Variants in TGFBR2 observed in about 807,000 individuals in gnomAD.
The protein encoded by TGFBR2 is TGF-beta receptor type-2.
TGFBR2 carries 18 observed loss-of-function variants against 49.0 expected under a neutral mutation model. The ratio of observed to expected loss-of-function variants is 0.37; its 90% CI spans 0.25 to 0.54. TGFBR2 has a LOEUF of 0.54. Among genes scored for constraint, TGFBR2 ranks in the 20% least tolerant of loss-of-function variants. The pLI is 0.85. For missense variants in TGFBR2, 525 were observed against 722.6 expected, an observed-to-expected ratio of 0.73 and a Z score of 3.13; for synonymous variants, 282 against 275.9, an observed-to-expected ratio of 1.02 and a Z score of -0.22.
rs1387250073 is a variant in TGFBR2 at position 30,671,707 on chromosome 3, C to G, written c.524C>G (p.Pro175Arg). The change falls in exon 4 of 7, where the codon CCA becomes CGA. Residue 175 changes from proline to arginine, a missense_variant. Pro to Arg is a moderately radical substitution (Grantham distance 103). This residue lies in a region of TGFBR2 where 376 missense variants were observed against 478.2 expected (regional missense o/e 0.79). Coordinates refer to ENST00000295754, the MANE Select transcript of TGFBR2 (RefSeq NM_003242.6). ...GTGACAGGCATCAGCCTCCTGCCAC[C>G]ACTGGGAGTTGCCATATCTGTCATC... ...FQVTGISLLP[P>R]LGVAISVIII... 1 of 1,614,070 alleles carries G rather than the reference C, an allele frequency of 6.2e-7. No individual in the cohort carries two copies. Among genetic ancestry groups the G allele is most frequent in the Admixed American group, 1.7e-5 (1 of 60,008 alleles).
chr3:30,647,104 C>T (rs1271128960), intron 2 of TGFBR2, among the ~76,000 whole-genome samples: 1 of 152,190 alleles, frequency 6.6e-6, no homozygotes, highest in African/African-American at 2.4e-5. Context: ...GACCAAGGCA[C>T]TCATTCCCTG....
intron 1 of TGFBR2, among the ~76,000 whole-genome samples, chr3:30,641,029 C>A (rs958309734): frequency 6.6e-6 from 1 of 152,114 alleles, no homozygotes; most frequent in African/African-American, 2.4e-5. Flanking sequence ...GATGCAATGT[C>A]CCATACAGCA....
rs1384766459 is a variant in TGFBR2 at position 30,691,352 on chromosome 3, G to C, written c.1525-68G>C. ...TGCACTCACTATAGCAACAAGGTCA[G>C]CAGGCCACCTTGCCTTCCGCGGAGC... On this transcript the variant is annotated intron_variant, in intron 6 of 6. Coordinates refer to ENST00000295754, the MANE Select transcript of TGFBR2 (RefSeq NM_003242.6). 6.4e-6 allele frequency: 10 copies of C among 1,567,686 alleles called. No homozygotes were observed. The South Asian group carries it at 9.1e-5, about 14-fold the overall frequency.
chr3:30,684,672 C>T (rs967686797), intron 5 of TGFBR2, among the ~76,000 whole-genome samples: 13 of 152,030 alleles, frequency 8.6e-5, no homozygotes, highest in Non-Finnish European at 1.6e-4. Context: ...TGTGAAATTA[C>T]CCATAAGTCG....
rs754109749 is a variant in TGFBR2, at chr3:30,691,641, C to G, written c.*42C>G. On this transcript the variant is annotated 3_prime_UTR_variant, in exon 7 of 7. Transcript: ENST00000295754. ...TGGGCCATGTCCAAAGAGGCTGCCC[C>G]TCTCACCAAAGAACAGAGGCAGCAG... 2 of 1,612,356 alleles carry G rather than the reference C, an allele frequency of 1.2e-6. No homozygotes were observed. Among genetic ancestry groups the G allele is most frequent in the African/African-American group, 2.7e-5 (2 of 74,864 alleles).
At chr3:30,689,777 G>A (rs2125453620) in intron 6 of TGFBR2, among the ~76,000 whole-genome samples, 1 of 152,332 alleles carries the variant, frequency 6.6e-6, no homozygotes, top group East Asian at 1.9e-4. Context: ...CTGCTGTATA[G>A]TTCTCGTAAT....
intron 3 of TGFBR2, among the ~76,000 whole-genome samples, chr3:30,669,601 T>C (rs1180748283): frequency 6.6e-6 from 1 of 152,192 alleles, no homozygotes; most frequent in Non-Finnish European, 1.5e-5. Context: ...CACCCCACCC[T>C]AATCTTATTA....
At position 30,650,479 on chromosome 3, in the gene TGFBR2, AG is replaced by A. The variant is rs780247469; in HGVS notation, c.454+22del. The A allele has an allele frequency of 2.5e-6, 4 of 1,613,610 alleles. No homozygotes were observed. The highest frequency in any genetic ancestry group is 2.5e-6 in the Non-Finnish European group (3 of 1,179,658). ...TCAGAAGGTGAGTTTTCTTCTCTTA[AG>A]GGTGTGGGACCTGAGATCTGTGCCA... On this transcript the variant is annotated intron_variant, in intron 3 of 6. Transcript: ENST00000295754.
intron 3 of TGFBR2, among the ~76,000 whole-genome samples, chr3:30,657,716 T>C (rs1338407012): frequency 6.6e-6 from 1 of 152,192 alleles, no homozygotes; most frequent in Non-Finnish European, 1.5e-5. Flanking sequence ...GCTGGATGAG[T>C]GAGGAGATTT....
At chr3:30,682,052 A>G (rs1306185197) in intron 5 of TGFBR2, among the ~76,000 whole-genome samples, 1 of 152,162 alleles carries the variant, frequency 6.6e-6, no homozygotes, top group Non-Finnish European at 1.5e-5. Context: ...AATTCCCATC[A>G]GTTTGCTGGA....
chr3:30,646,503 AAT>A (rs1663211866), intron 2 of TGFBR2, among the ~76,000 whole-genome samples: 1 of 152,170 alleles, frequency 6.6e-6, no homozygotes, highest in Non-Finnish European at 1.5e-5. Flanking sequence ...TCAGGTAGAA[AAT>A]ATAATAAACA....
intron 3 of TGFBR2, among the ~76,000 whole-genome samples, chr3:30,660,651 C>G (rs917295450): frequency 6.6e-6 from 1 of 152,138 alleles, no homozygotes; most frequent in Non-Finnish European, 1.5e-5. Context: ...TTACCCCATC[C>G]TTGGAGGAAT....
At chr3:30,645,069 G>A (rs547740855) in intron 2 of TGFBR2, among the ~76,000 whole-genome samples, 154 bp downstream of exon 2, 2 of 152,122 alleles carry the variant, frequency 1.3e-5, no homozygotes, top group East Asian at 3.9e-4. Context: ...ATTATTAAAT[G>A]TAGTTTCTAG....
At chr3:30,675,204 C>A (rs998169481) in intron 5 of TGFBR2, among the ~76,000 whole-genome samples, 3 of 152,106 alleles carry the variant, frequency 2.0e-5, no homozygotes, top group African/African-American at 4.8e-5. Context: ...CATGCTTGTC[C>A]AATGAAAGCA....
At chr3:30,663,264 C>G (rs1412967149) in intron 3 of TGFBR2, among the ~76,000 whole-genome samples, 2 of 135,080 alleles carry the variant, frequency 1.5e-5, no homozygotes, top group Non-Finnish European at 3.2e-5. Flanking sequence ...ACAGTACAGT[C>G]CATATTCAGA....
At chr3:30,653,250 C>CTTTTTTTTTTTTTT (rs3076740) in intron 3 of TGFBR2, among the ~76,000 whole-genome samples, 2 of 113,438 alleles carry the variant, frequency 1.8e-5, no homozygotes, top group African/African-American at 3.4e-5. Flanking sequence ...GGAATGAAAA[C>CTTTTTTTTTTTTTT]TTTTTTTTTT....
At chr3:30,624,699 T>A (rs1698300933) in intron 1 of TGFBR2, among the ~76,000 whole-genome samples, 1 of 152,254 alleles carries the variant, frequency 6.6e-6, no homozygotes, top group Admixed American at 6.5e-5. Flanking sequence ...CTTCTGCTTT[T>A]CTACTACTAG....
intron 1 of TGFBR2, among the ~76,000 whole-genome samples, chr3:30,608,900 T>C (rs1697984741): frequency 6.6e-6 from 1 of 152,202 alleles, no homozygotes; most frequent in African/African-American, 2.4e-5. Context: ...TCTGTGGATG[T>C]TAAAAATCAT....
rs548111365 is a variant in TGFBR2 at position 30,664,553 on chromosome 3, A to G, written c.455-7085A>G. Among the ~76,000 whole-genome samples the G allele has an allele frequency of 2.0e-5, 3 of 152,354 alleles. No homozygotes were observed. The East Asian group carries it at 5.8e-4, about 29-fold the overall frequency. On this transcript the variant is annotated intron_variant, in intron 3 of 6. Transcript: ENST00000295754. The stretch of plus-strand genomic sequence containing the variant: ...ATAAATGTTAGTATGCCATAAAAAA[A>G]AATACAAACTGGCAGAAAACCTCAA...
Sources: allele counts gnomAD v4.1 joint callset (sites outside exome capture counted in the v4.1 genomes callset), GRCh38; gene constraint gnomAD v4.1.1; regional missense constraint gnomAD v4.1.1; transcripts MANE v1.5; gene names NCBI Gene and HGNC (gene_info 2026-07-23, HGNC 2026-07-21).